Variants in FGF14 observed in about 807,000 individuals in gnomAD.
FGF14 encodes fibroblast growth factor homologous factor 4.
FGF14 carries 5 observed loss-of-function variants against 25.5 expected under a neutral mutation model. That is an observed-to-expected ratio of 0.20 (90% CI 0.10 to 0.41). The LOEUF (loss-of-function observed/expected upper bound fraction) is 0.41, where lower values mean the gene tolerates loss of function less well. Ranked by LOEUF, FGF14 falls within the 10% of genes least tolerant of loss-of-function variation. The probability of loss-of-function intolerance (pLI) is 1.00; values close to 1 mark genes in which losing one functional copy is unlikely to be tolerated. For synonymous variants in FGF14, 138 were observed against 118.3 expected, an observed-to-expected ratio of 1.17 and a Z score of -1.08; for missense variants, 222 against 320.1, an observed-to-expected ratio of 0.69 and a Z score of 2.34.
chr13:102,381,376 T>C (rs1268462704), intron 1 of FGF14, among the ~76,000 whole-genome samples: 1 of 152,212 alleles, frequency 6.6e-6, no homozygotes, highest in Non-Finnish European at 1.5e-5. Context: ...GATTAGGTCA[T>C]GAGGGCTCTC....
chr13:101,858,957 A>G (rs1352702231), intron 3 of FGF14, among the ~76,000 whole-genome samples: 1 of 152,090 alleles, frequency 6.6e-6, no homozygotes, highest in Non-Finnish European at 1.5e-5. Flanking sequence ...CACTTCATTA[A>G]TGCAAATATG....
intron 1 of FGF14, among the ~76,000 whole-genome samples, chr13:101,910,081 G>A (rs902560058): frequency 6.6e-6 from 1 of 151,178 alleles, no homozygotes; most frequent in Non-Finnish European, 1.5e-5. Context: ...CATCACACAC[G>A]AGGGCCTGTT....
intron 1 of FGF14, among the ~76,000 whole-genome samples, chr13:101,899,576 G>A (rs11839170): frequency 0.014 from 2,054 of 151,972 alleles, 49 homozygotes; most frequent in African/African-American, 0.046. Context: ...CATAAAAAAT[G>A]TATAAAATCT....
At chr13:101,797,259 C>T (rs1260305910) in intron 3 of FGF14, among the ~76,000 whole-genome samples, 1 of 152,068 alleles carries the variant, frequency 6.6e-6, no homozygotes, top group Non-Finnish European at 1.5e-5. Flanking sequence ...TAGCAGGATG[C>T]TGGAGTATAC....
chr13:102,165,805 T>TGTA (rs1555370450), intron 1 of FGF14, among the ~76,000 whole-genome samples: 45 of 148,320 alleles, frequency 3.0e-4, no homozygotes, highest in African/African-American at 1.1e-3. Flanking sequence ...AAACTTAAAG[T>TGTA]ATAATAATAA....
At chr13:101,884,348 G>C (rs1221236270) in intron 1 of FGF14, among the ~76,000 whole-genome samples, 2 of 152,050 alleles carry the variant, frequency 1.3e-5, no homozygotes, top group African/African-American at 4.8e-5. Context: ...TGTTTAATCT[G>C]AAGATGATGA....
chr13:102,003,866 T>C (rs1456748974), intron 1 of FGF14, among the ~76,000 whole-genome samples: 1 of 152,156 alleles, frequency 6.6e-6, no homozygotes, highest in Non-Finnish European at 1.5e-5. Flanking sequence ...TGAATAGATA[T>C]TGAACTTTAT....
At chr13:101,804,009 T>C (rs2041055167) in intron 3 of FGF14, among the ~76,000 whole-genome samples, 2 of 150,238 alleles carry the variant, frequency 1.3e-5, no homozygotes, top group African/African-American at 4.9e-5. Flanking sequence ...GGGCATAAGA[T>C]CAAGTTCGAA....
At chr13:102,309,369 G>T (rs890225392) in intron 1 of FGF14, among the ~76,000 whole-genome samples, 1 of 152,132 alleles carries the variant, frequency 6.6e-6, no homozygotes, top group African/African-American at 2.4e-5. Flanking sequence ...CATCAGCTAG[G>T]TAAAGGCATT....
At chr13:101,973,477 T>C (rs527653741) in intron 1 of FGF14, among the ~76,000 whole-genome samples, 1 of 152,264 alleles carries the variant, frequency 6.6e-6, no homozygotes, top group South Asian at 2.1e-4. Context: ...AATATGTATA[T>C]ATATATAAAG....
intron 3 of FGF14, among the ~76,000 whole-genome samples, chr13:101,841,728 G>A (rs1280343038): frequency 6.6e-6 from 1 of 151,884 alleles, no homozygotes; most frequent in East Asian, 1.9e-4. Context: ...TCGTCTTTCT[G>A]TAGGACACAC....
At chr13:102,318,267 G>A (rs951813477) in intron 1 of FGF14, among the ~76,000 whole-genome samples, 2 of 152,158 alleles carry the variant, frequency 1.3e-5, no homozygotes, top group East Asian at 3.9e-4. Context: ...AGTGCCCTGG[G>A]TGCCATAGGA....
intron 1 of FGF14, among the ~76,000 whole-genome samples, chr13:102,088,339 C>A (rs1379373): frequency 0.39 from 59,200 of 152,034 alleles, 13,537 homozygotes; most frequent in Non-Finnish European, 0.51. Flanking sequence ...GGTAACTGTG[C>A]TAAGCAGAGA....
chr13:101,808,030 T>C (rs1407073247), intron 3 of FGF14, among the ~76,000 whole-genome samples: 1 of 151,996 alleles, frequency 6.6e-6, no homozygotes, highest in Non-Finnish European at 1.5e-5. Flanking sequence ...ATGCAAATAA[T>C]AGCTAATAAG....
At chr13:102,004,884 G>A (rs2039699664) in intron 1 of FGF14, among the ~76,000 whole-genome samples, 1 of 152,190 alleles carries the variant, frequency 6.6e-6, no homozygotes, top group South Asian at 2.1e-4. Flanking sequence ...GAAGAAGGAT[G>A]TGTTTGCGTC....
intron 1 of FGF14, among the ~76,000 whole-genome samples, chr13:101,963,890 A>G (rs943780545): frequency 5.9e-5 from 9 of 152,236 alleles, no homozygotes; most frequent in African/African-American, 2.2e-4. Context: ...TCATAAATTC[A>G]ATTTTATAGG....
At chr13:101,965,993 A>G (rs2037169198) in intron 1 of FGF14, among the ~76,000 whole-genome samples, 1 of 152,186 alleles carries the variant, frequency 6.6e-6, no homozygotes, top group Admixed American at 6.5e-5. Flanking sequence ...ACCACAATCA[A>G]CTTTTCTATT....
At chr13:102,319,808 T>C (rs1688026065) in intron 1 of FGF14, among the ~76,000 whole-genome samples, 1 of 152,194 alleles carries the variant, frequency 6.6e-6, no homozygotes, top group Non-Finnish European at 1.5e-5. Context: ...GACTGATATG[T>C]GGATGATGAA....
At chr13:102,051,936 T>G (rs575746212) in intron 1 of FGF14, among the ~76,000 whole-genome samples, 16 of 152,230 alleles carry the variant, frequency 1.1e-4, no homozygotes, top group Admixed American at 7.2e-4. Context: ...ATATATTAAA[T>G]GCTTAAAAAA....
Sources: gnomAD v4.1 joint callset for allele counts (sites outside exome capture counted in the v4.1 genomes callset) on GRCh38, gnomAD v4.1.1 for gene constraint, MANE v1.5 for transcripts, NCBI Gene and HGNC (gene_info 2026-07-23, HGNC 2026-07-21) for gene names.